ZAN: variants seen among roughly 807,000 people sequenced by gnomAD.
ZAN encodes the protein zonadhesin.
A neutral mutation model predicts 286.2 loss-of-function variants in ZAN; 260 were observed. That is an observed-to-expected ratio of 0.91 (90% CI 0.82 to 1.01). The LOEUF (loss-of-function observed/expected upper bound fraction) is 1.01. ZAN is among the 50% of genes least tolerant of loss of function. ZAN has a pLI of 0.00. For missense variants in ZAN, 3,410 were observed against 3,639.2 expected (o/e 0.94, Z 1.62); for synonymous variants, 1,368 against 1,417.5 (o/e 0.97, Z 0.79).
At position 100,748,471 on chromosome 7, in the gene ZAN, G is replaced by T. The variant is rs117406702; in HGVS notation, c.1249+1G>T. ...CCTGCGGGAGGTTTCCCTAATGCAGGTGAGGAGATTGAGGAGCGCTCACGC... is the reference window on the plus strand; with the variant it reads ...CCTGCGGGAGGTTTCCCTAATGCAGTTGAGGAGATTGAGGAGCGCTCACGC... On this transcript the variant is annotated splice_donor_variant, in intron 11 of 47. Transcript: ENST00000613979. LOFTEE classifies it high-confidence loss of function. 2 of 1,609,980 alleles carry T rather than the reference G, an allele frequency of 1.2e-6. No homozygotes were observed. Among genetic ancestry groups the T allele is most frequent in the South Asian group, 2.2e-5 (2 of 90,476 alleles).
chr7:100,755,139 A>T, intron 14 of ZAN, 87 bp from the exon 15 acceptor site: 2 of 1,451,580 alleles, frequency 1.4e-6, no homozygotes, highest in Non-Finnish European at 1.9e-6. Context: ...CTAGAGAAGA[A>T]CTTGAGTTTG....
rs146457085 is a variant in ZAN at position 100,764,323 on chromosome 7, C to T, written c.4267+127C>T. The T allele has an allele frequency of 4.4e-5, 53 of 1,191,624 alleles. No individual in the cohort carries two copies. In the East Asian group the frequency reaches 9.4e-4, roughly 21 times the overall value. 73.8% of individuals were successfully genotyped at this position (1,191,624 alleles called of 1,614,324 possible). A position where few individuals can be genotyped will look rare whatever the true frequency, so the allele number is the denominator to read the frequency against. The stretch of plus-strand genomic sequence containing the variant: ...TTTGGGACCAGCCTGGCCAACACCC[C>T]GTCTCTACTAAACATACCAAAATTA... On this transcript the variant is annotated intron_variant, in intron 22 of 47. Transcript: ENST00000613979.
At chr7:100,738,721 C>A in intron 7 of ZAN, 108 bp downstream of exon 7, 1 of 1,206,688 alleles carries the variant, frequency 8.3e-7, no homozygotes, top group Non-Finnish European at 1.1e-6. Flanking sequence ...AAGCCTCTTA[C>A]CAGCTCAAGT....
At chr7:100,780,778 A>G (rs1438880763) in intron 35 of ZAN, among the ~76,000 whole-genome samples, 2 of 152,094 alleles carry the variant, frequency 1.3e-5, no homozygotes, top group African/African-American at 4.8e-5. Flanking sequence ...TTATTTATGC[A>G]TATATAAACA....
chr7:100,754,585 C>T (rs1809012773), intron 14 of ZAN, among the ~76,000 whole-genome samples: 1 of 151,090 alleles, frequency 6.6e-6, no homozygotes, highest in South Asian at 2.1e-4. Flanking sequence ...CTCACTGCAA[C>T]CTCTGCCTCT....
In ZAN at chr7:100,765,343, C is replaced by G; in HGVS notation, c.4268-9C>G. 1 of 1,613,432 alleles carries G rather than the reference C, an allele frequency of 6.2e-7. No individual in the cohort carries two copies. The highest frequency in any genetic ancestry group is 8.5e-7 in the Non-Finnish European group (1 of 1,179,708). The stretch of plus-strand genomic sequence containing the variant: ...GTCTCCTTCTCACCCAAGCTTCTCC[C>G]TCCACCAGCAATGGCCTGCCCGCCC... On this transcript the variant is annotated splice_polypyrimidine_tract_variant and intron_variant, in intron 22 of 47. Coordinates refer to ENST00000613979, the MANE Select transcript of ZAN (RefSeq NM_003386.3).
At chr7:100,767,516 C>T (rs1810075438) in intron 25 of ZAN, among the ~76,000 whole-genome samples, 1 of 138,844 alleles carries the variant, frequency 7.2e-6, no homozygotes, top group Non-Finnish European at 1.5e-5. Flanking sequence ...TGCTCTATCA[C>T]CCAGGCTGGA....
intron 23 of ZAN, among the ~76,000 whole-genome samples, chr7:100,766,140 C>T (rs925396177): frequency 9.2e-5 from 14 of 152,144 alleles, no homozygotes; most frequent in Non-Finnish European, 2.1e-4. Flanking sequence ...GCGTGCACTA[C>T]CACGCCAGGC....
chr7:100,768,776 C>G (rs556476661), intron 27 of ZAN, 55 bp downstream of exon 27: 5 of 1,457,866 alleles, frequency 3.4e-6, no homozygotes, highest in Non-Finnish European at 3.7e-6. Flanking sequence ...GGAAGGGCCT[C>G]GGGGGGCAGC....
In ZAN at chr7:100,751,744, C is replaced by G. The variant is rs369936409; in HGVS notation, c.1639C>G (p.Pro547Ala). Residue 547 changes from proline (P) to alanine (A), a missense_variant, in exon 14 of 48, where the codon CCA becomes GCA. Around this residue, in one of 7 missense-constraint regions of ZAN, gnomAD observed 872 missense variants for 938.9 expected, o/e 0.93. Coordinates refer to ENST00000613979, the MANE Select transcript of ZAN (RefSeq NM_003386.3). Reference sequence around the variant, plus strand: ...GCTACCAGAGCTTCCTCCCGTATCTCCAGTTTCTTCCACTGGCCCTTCTGA... The same window carrying G: ...GCTACCAGAGCTTCCTCCCGTATCTGCAGTTTCTTCCACTGGCCCTTCTGA... ...KVLPELPPVS[P>A]VSSTGPSETT... The G allele has an allele frequency of 8.8e-6, 14 of 1,593,370 alleles. No individual in the cohort carries two copies. The highest frequency in any genetic ancestry group is 1.2e-5 in the Non-Finnish European group (14 of 1,174,710).
intron 2 of ZAN, among the ~76,000 whole-genome samples, chr7:100,735,116 G>A (rs1191342820): frequency 7.2e-6 from 1 of 138,950 alleles, no homozygotes; most frequent in Non-Finnish European, 1.6e-5. Flanking sequence ...CCCGGGAGGC[G>A]GAGACTGCAG....
At chr7:100,758,770 G>A in intron 17 of ZAN, 120 bp downstream of exon 17, 3 of 1,451,468 alleles carry the variant, frequency 2.1e-6, no homozygotes, top group East Asian at 2.5e-5. Context: ...GGCAAGATAG[G>A]AGCAAGTTCT....
rs1450812146 is a variant in ZAN, at chr7:100,736,607, C to T, written c.231C>T (p.Ala77=). ...SGPSPTGSTG[A]PGGYPNGEGS... is the part of the protein sequence containing the mutation. ...CCTCTCCCACCGGCTCCACCGGGGC[C>T]CCCGGGGGGTACCCTAACGGAGGTG... Residue 77 remains alanine (A), a synonymous_variant, in exon 4 of 48, where the codon GCC becomes GCT. Coordinates refer to ENST00000613979, the MANE Select transcript of ZAN (RefSeq NM_003386.3). The T allele has an allele frequency of 2.8e-5, 43 of 1,523,000 alleles. 9 individuals carry two copies. The highest frequency in any genetic ancestry group is 3.9e-5 in the Non-Finnish European group (43 of 1,107,518). 94.3% of individuals were successfully genotyped at this position (1,523,000 alleles called of 1,614,324 possible).
At chr7:100,750,087 C>CACACAA (rs535918075) in intron 11 of ZAN, among the ~76,000 whole-genome samples, 1 of 150,330 alleles carries the variant, frequency 6.7e-6, no homozygotes. Flanking sequence ...CACACACACA[C>CACACAA]ACACACACAC....
chr7:100,778,625 C>T (rs1161211249), intron 34 of ZAN, among the ~76,000 whole-genome samples: 3 of 151,058 alleles, frequency 2.0e-5, no homozygotes, highest in Non-Finnish European at 3.0e-5. Flanking sequence ...TGAGAGAAGA[C>T]GAGGCCGATG....
chr7:100,772,886 T>G (rs563284472), intron 29 of ZAN, among the ~76,000 whole-genome samples: 1 of 148,400 alleles, frequency 6.7e-6, no homozygotes, highest in East Asian at 2.0e-4. Context: ...TTTTTTTTTT[T>G]TTTGCTTTTG....
chr7:100,771,832 C>T lies in ZAN; in HGVS notation c.5249-12C>T, dbSNP rs1810384579. 1 of 1,603,120 alleles carries T rather than the reference C, an allele frequency of 6.2e-7. No homozygotes were observed. Among genetic ancestry groups the T allele is most frequent in the Non-Finnish European group, 8.5e-7 (1 of 1,172,398 alleles). ...CCCTCCCCTGGCTCATCTGCCTTCT[C>T]TCTTCCTGCAGGACCCTTCTCTCAA... On this transcript the variant is annotated splice_polypyrimidine_tract_variant and intron_variant, in intron 28 of 47. Coordinates refer to ENST00000613979, the MANE Select transcript of ZAN (RefSeq NM_003386.3).
rs186829013 is a variant in ZAN, at chr7:100,744,018, A to G, written c.767-2520A>G. ...AGGTGTGAGCTGCCACGCCCAGCCTATATCTCTTTGTTCTTCTTTTCCCTT... is the reference window on the plus strand; with the variant it reads ...AGGTGTGAGCTGCCACGCCCAGCCTGTATCTCTTTGTTCTTCTTTTCCCTT... On this transcript the variant is annotated intron_variant, in intron 7 of 47. Coordinates refer to ENST00000613979, the MANE Select transcript of ZAN (RefSeq NM_003386.3). Among the ~76,000 whole-genome samples, 140 of 150,902 alleles carry G rather than the reference A, an allele frequency of 9.3e-4. 1 individual carries two copies. The East Asian group carries it at 0.015, about 16-fold the overall frequency.
chr7:100,784,130 C>CT (rs35784170), intron 35 of ZAN, among the ~76,000 whole-genome samples: 2,334 of 119,136 alleles, frequency 0.02, 41 homozygotes, highest in South Asian at 0.03. Flanking sequence ...ATTCTTGTTC[C>CT]TTTTTTTTTT....
Sources: gnomAD v4.1 joint callset for allele counts (sites outside exome capture counted in the v4.1 genomes callset) on GRCh38, gnomAD v4.1.1 for gene constraint, gnomAD v4.1.1 regional missense constraint, MANE v1.5 for transcripts, NCBI Gene and HGNC (gene_info 2026-07-23, HGNC 2026-07-21) for gene names.